Variants in NOC2L observed in about 807,000 individuals in gnomAD.
NOC2L encodes the protein NOC2 like nucleolar associated transcriptional repressor, also known as nucleolar complex protein 2 homolog.
NOC2L carries 101 observed loss-of-function variants against 94.2 expected under a neutral mutation model. The observed-to-expected ratio is 1.07, with a 90% CI of 0.91 to 1.26. The LOEUF is 1.26. NOC2L is among the 50% of genes most tolerant of loss of function. NOC2L has a pLI of 0.00. For missense variants in NOC2L, 1,076 were observed against 980.1 expected (o/e 1.10, Z -1.31); for synonymous variants, 531 against 413.4 (o/e 1.28, Z -3.45).
Position 944,267 on chromosome 1 carries a change from T to A in NOC2L, c.*427A>T. ...CGGTTTCGGATGCAAAACAAAAAAT[T>A]TTAAAAGAAAATGTGACTTCAAAGG... is the stretch of plus-strand genomic sequence containing the variant. On this transcript the variant is annotated 3_prime_UTR_variant, in exon 19 of 19. Transcript: ENST00000327044. 2.1e-6 allele frequency: 3 copies of A among 1,450,118 alleles called. No individual in the cohort carries two copies. Among genetic ancestry groups the A allele is most frequent in the Non-Finnish European group, 2.7e-6 (3 of 1,103,350 alleles). 89.8% of individuals were successfully genotyped at this position (1,450,118 alleles called of 1,614,324 possible).
At chr1:958,841 T>C (rs1394745383) in intron 2 of NOC2L, 88 bp downstream of exon 2, 2 of 1,390,156 alleles carry the variant, frequency 1.4e-6, no homozygotes. Context: ...CCTTAGGCCT[T>C]GGCCCTGAGA....
At chr1:945,732 C>T (rs1393369733) in intron 16 of NOC2L, 79 bp from the exon 17 acceptor site, 2 of 1,589,230 alleles carry the variant, frequency 1.3e-6, no homozygotes, top group African/African-American at 2.7e-5. Context: ...CATCGCCAGA[C>T]CCACCACCAG....
chr1:949,565 G>A (rs1642198689), intron 12 of NOC2L, among the ~76,000 whole-genome samples: 1 of 152,230 alleles, frequency 6.6e-6, no homozygotes, highest in African/African-American at 2.4e-5. Flanking sequence ...ATCCCTGCGT[G>A]AGAGGGGCCT....
At chr1:957,441 A>G in intron 2 of NOC2L, 168 bp from the exon 3 acceptor site, 1 of 639,714 alleles carries the variant, frequency 1.6e-6, no homozygotes, top group Non-Finnish European at 2.7e-6. Context: ...CAACCTCTAC[A>G]ACATACCCTC....
In NOC2L at chr1:944,410, C is replaced by T. The variant is rs946988897; in HGVS notation, c.*284G>A. The T allele has an allele frequency of 7.7e-6, 9 of 1,161,548 alleles. No individual in the cohort carries two copies. Among genetic ancestry groups the T allele is most frequent in the Non-Finnish European group, 1.0e-5 (9 of 903,684 alleles). 72.0% of individuals were successfully genotyped at this position (1,161,548 alleles called of 1,614,324 possible). ...GGGCCAGGGGCCTGCAGGCCTCCCC[C>T]TGGAACTGGGACTGGTCTCGGTCTG... On this transcript the variant is annotated 3_prime_UTR_variant, in exon 19 of 19. Coordinates refer to ENST00000327044, the MANE Select transcript of NOC2L (RefSeq NM_015658.4).
intron 12 of NOC2L, 24 bp from the exon 13 acceptor site, chr1:948,627 T>G (rs1378061219): frequency 2.5e-6 from 4 of 1,578,742 alleles, no homozygotes; most frequent in Admixed American, 1.7e-5. Context: ...CGTGTCAGGC[T>G]CTCTCGGCCC....
In NOC2L at chr1:953,992, C is replaced by T. The variant is rs765507419; in HGVS notation, c.777+12G>A. 1 of 1,604,704 alleles carries T rather than the reference C, an allele frequency of 6.2e-7. No individual in the cohort carries two copies. On this transcript the variant is annotated intron_variant, in intron 7 of 18. Coordinates refer to ENST00000327044, the MANE Select transcript of NOC2L (RefSeq NM_015658.4). ...CAGCCAGGCCCCCGTGCCCTCCCCA[C>T]CAGAATAGCACCTGTATGGCCGAGC...
intron 6 of NOC2L, 62 bp from the exon 7 acceptor site, chr1:954,144 G>A (rs921832228): frequency 2.0e-6 from 3 of 1,515,352 alleles, no homozygotes; most frequent in Non-Finnish European, 1.8e-6. Flanking sequence ...AGGCTGCTCA[G>A]CATGTTGGCG....
intron 18 of NOC2L, 112 bp from the exon 19 acceptor site, chr1:944,912 G>T: frequency 7.1e-7 from 1 of 1,404,874 alleles, no homozygotes; most frequent in Non-Finnish European, 9.8e-7. Flanking sequence ...CCCTGTTGCT[G>T]GCTGCCAGAG....
chr1:944,901 TC>T, intron 18 of NOC2L, 101 bp from the exon 19 acceptor site: 1 of 1,364,576 alleles, frequency 7.3e-7, no homozygotes, highest in Non-Finnish European at 1.0e-6. Context: ...AATTAATTTA[TC>T]CCTGTTGCTG....
chr1:944,920 G>C (rs1642050694), intron 18 of NOC2L, 120 bp from the exon 19 acceptor site: 1 of 1,443,336 alleles, frequency 6.9e-7, no homozygotes, highest in Non-Finnish European at 9.5e-7. Flanking sequence ...CTGGCTGCCA[G>C]AGAACAGAGC....
At position 953,975 on chromosome 1, in the gene NOC2L, C is replaced by G. The variant is rs374477062; in HGVS notation, c.777+29G>C. The G allele has an allele frequency of 2.1e-5, 33 of 1,601,632 alleles. No homozygotes were observed. The African/African-American group carries it at 4.3e-4, about 21-fold the overall frequency. The stretch of plus-strand genomic sequence containing the variant: ...GGACCGACCACCAGATACAGCCAGG[C>G]CCCCGTGCCCTCCCCACCAGAATAG... On this transcript the variant is annotated intron_variant, in intron 7 of 18. Transcript: ENST00000327044.
intron 14 of NOC2L, 117 bp downstream of exon 14, chr1:948,014 G>A: frequency 1.3e-6 from 1 of 789,916 alleles, no homozygotes; most frequent in Non-Finnish European, 2.1e-6. Flanking sequence ...CCAGCAGTCA[G>A]GTTCCACCCC....
At position 950,272 on chromosome 1, in the gene NOC2L, C is replaced by T. The variant is rs181343448; in HGVS notation, c.1443+855G>A. Among the ~76,000 whole-genome samples, 130 of 151,962 alleles carry T rather than the reference C, an allele frequency of 8.6e-4. 1 individual carries two copies. The highest frequency in any genetic ancestry group is 3.0e-3 in the African/African-American group (124 of 41,388). On this transcript the variant is annotated intron_variant, in intron 12 of 18. Coordinates refer to ENST00000327044, the MANE Select transcript of NOC2L (RefSeq NM_015658.4). ...GCATGCACACAAGTGCACACAGACA[C>T]GTGTGTATGCACATAGGTGCACACA...
At position 944,468 on chromosome 1, in the gene NOC2L, A is replaced by G. The variant is rs1557613472; in HGVS notation, c.*226T>C. On this transcript the variant is annotated 3_prime_UTR_variant, in exon 19 of 19. Coordinates refer to ENST00000327044, the MANE Select transcript of NOC2L (RefSeq NM_015658.4). ...CAGGGTCAGCTCCCCCGCGGAGCTG[A>G]CTTCAGCAGCCCACAGCTGTGGGGC... 9 of 747,726 alleles carry G rather than the reference A, an allele frequency of 1.2e-5. No individual in the cohort carries two copies. The highest frequency in any genetic ancestry group is 1.8e-5 in the African/African-American group (1 of 54,694). 46.3% of individuals were successfully genotyped at this position (747,726 alleles called of 1,614,324 possible).
At chr1:953,153 C>G (rs761071845) in intron 9 of NOC2L, 22 bp downstream of exon 9, 1 of 1,548,668 alleles carries the variant, frequency 6.5e-7, no homozygotes, top group Non-Finnish European at 8.9e-7. Flanking sequence ...CTGAGGGACA[C>G]AGACGCAGGG....
intron 18 of NOC2L, 127 bp from the exon 19 acceptor site, chr1:944,927 G>A (rs1345409038): frequency 9.5e-6 from 14 of 1,472,470 alleles, no homozygotes; most frequent in Middle Eastern, 3.5e-4. Flanking sequence ...CCAGAGAACA[G>A]AGCATTTGGC....
rs1642499397 is a variant in NOC2L at position 958,925 on chromosome 1, T to C, written c.179+4A>G. ...AGGTTCTGCTCACGCATGTCCCCACTAACCTGGCCGAGGGGCTCCCGCCCG... is the reference window on the plus strand; with the variant it reads ...AGGTTCTGCTCACGCATGTCCCCACCAACCTGGCCGAGGGGCTCCCGCCCG... On this transcript the variant is annotated splice_donor_region_variant and intron_variant, in intron 2 of 18. Coordinates refer to ENST00000327044, the MANE Select transcript of NOC2L (RefSeq NM_015658.4). 6.2e-7 allele frequency: 1 copy of C among 1,612,734 alleles called. No homozygotes were observed. The highest frequency in any genetic ancestry group is 1.1e-5 in the South Asian group (1 of 91,086).
chr1:954,840 C>T (rs899446402), intron 6 of NOC2L, among the ~76,000 whole-genome samples: 4 of 151,832 alleles, frequency 2.6e-5, no homozygotes, highest in Non-Finnish European at 5.9e-5. Flanking sequence ...AAAAAAAAAC[C>T]AAAAACCAAA....
Sources: gnomAD v4.1 joint callset for allele counts (sites outside exome capture counted in the v4.1 genomes callset) on GRCh38, gnomAD v4.1.1 for gene constraint, MANE v1.5 for transcripts, NCBI Gene and HGNC (gene_info 2026-07-23, HGNC 2026-07-21) for gene names.